The following CLVS1 variants were observed in gnomAD, a reference collection of about 807,000 sequenced individuals.
CLVS1 encodes the protein clavesin-1.
In CLVS1, 10 loss-of-function variants were observed where a neutral mutation model predicts 33.1. That is an observed-to-expected ratio of 0.30 (90% CI 0.19 to 0.51). CLVS1 has a LOEUF of 0.51. Ranked by LOEUF, CLVS1 falls within the 20% of genes least tolerant of loss-of-function variation. The probability of loss-of-function intolerance (pLI) is 0.97; values close to 1 mark genes in which losing one functional copy is unlikely to be tolerated. For missense variants in CLVS1, 343 were observed against 433.4 expected (o/e 0.79, Z 1.85); for synonymous variants, 163 against 166.1 (o/e 0.98, Z 0.14).
At chr8:61,053,329 C>A (rs902699635), upstream of CLVS1, among the ~76,000 whole-genome samples, 3 of 152,056 alleles carry the variant, frequency 2.0e-5, no homozygotes, top group Non-Finnish European at 4.4e-5. Flanking sequence ...AGCACTGGGG[C>A]CTCCAGCATG....
chr8:61,089,091 G>A (rs1219478559), intron 1 of CLVS1, among the ~76,000 whole-genome samples: 1 of 152,194 alleles, frequency 6.6e-6, no homozygotes. Flanking sequence ...GTGAGCCACC[G>A]GGCCCGGCCT....
intron 1 of CLVS1, among the ~76,000 whole-genome samples, chr8:61,063,850 A>G (rs1397001584): frequency 1.3e-5 from 2 of 152,162 alleles, no homozygotes; most frequent in Non-Finnish European, 2.9e-5. Flanking sequence ...TGTCCCTAGT[A>G]GGAACTCTGT....
chr8:61,165,520 CTGAT>C (rs1806845225), intron 2 of CLVS1, among the ~76,000 whole-genome samples: 1 of 152,182 alleles, frequency 6.6e-6, no homozygotes, highest in Admixed American at 6.5e-5. Flanking sequence ...AGTGAGCTCT[CTGAT>C]TGGTTGGGTG....
At chr8:61,494,233 G>T (rs1804193837) in intron 5 of CLVS1, among the ~76,000 whole-genome samples, 1 of 152,070 alleles carries the variant, frequency 6.6e-6, no homozygotes, top group East Asian at 1.9e-4. Context: ...AGTGGGGAAA[G>T]TTCCAATTTT....
At chr8:61,364,736 G>C (rs4395891) in intron 2 of CLVS1, among the ~76,000 whole-genome samples, 70,136 of 152,048 alleles carry the variant, frequency 0.46, 16,566 homozygotes, top group East Asian at 0.65. Context: ...AATTTTAGAG[G>C]CTTAAGGCTT....
chr8:61,047,188 CA>C, the CLVS1 span, among the ~76,000 whole-genome samples: 1 of 151,998 alleles, frequency 6.6e-6, no homozygotes, highest in African/African-American at 2.4e-5. Context: ...TTTATGCAGC[CA>C]AAAAACACAT....
At chr8:60,986,538 T>G in the CLVS1 span, among the ~76,000 whole-genome samples, 1 of 152,232 alleles carries the variant, frequency 6.6e-6, no homozygotes. Context: ...TCACATAACT[T>G]AAGAACTTAG....
At chr8:61,188,172 G>C (rs933919347) in intron 2 of CLVS1, among the ~76,000 whole-genome samples, 1 of 152,082 alleles carries the variant, frequency 6.6e-6, no homozygotes, top group African/African-American at 2.4e-5. Flanking sequence ...ATAGTGAATT[G>C]GATGTAGACT....
At chr8:61,054,146 G>A (rs1804432703), upstream of CLVS1, among the ~76,000 whole-genome samples, 1 of 152,164 alleles carries the variant, frequency 6.6e-6, no homozygotes, top group Non-Finnish European at 1.5e-5. Flanking sequence ...AAACCTTACG[G>A]AGCAACCCCT....
chr8:61,142,594 A>G (rs976988403), intron 2 of CLVS1, among the ~76,000 whole-genome samples: 11 of 152,172 alleles, frequency 7.2e-5, no homozygotes, highest in Non-Finnish European at 1.0e-4. Flanking sequence ...AGGCTACCAG[A>G]CTGCTTGGCA....
chr8:61,194,119 T>C (rs1807552478), intron 2 of CLVS1, among the ~76,000 whole-genome samples: 1 of 152,008 alleles, frequency 6.6e-6, no homozygotes, highest in South Asian at 2.1e-4. Flanking sequence ...ACATGTTTGA[T>C]TCAAAGAAGA....
intron 5 of CLVS1, among the ~76,000 whole-genome samples, chr8:61,492,513 C>T (rs1804128032): frequency 6.6e-6 from 1 of 152,110 alleles, no homozygotes; most frequent in Non-Finnish European, 1.5e-5. Context: ...TGAAGGTGCA[C>T]ATGTTTTTTT....
chr8:61,367,958 A>G (rs574450478), intron 2 of CLVS1, among the ~76,000 whole-genome samples: 54 of 152,382 alleles, frequency 3.5e-4, no homozygotes, highest in Admixed American at 8.5e-4. Flanking sequence ...GTACTTCAAC[A>G]GTTTTAAAAG....
chr8:61,042,569 A>ATTTGGTGGAAGGTAGATAG, the CLVS1 span, among the ~76,000 whole-genome samples: 1 of 152,208 alleles, frequency 6.6e-6, no homozygotes. Flanking sequence ...TCACTCTGTT[A>ATTTGGTGGAAGGTAGATAG]TTGCCCACCT....
chr8:60,971,480 C>G, the CLVS1 span, among the ~76,000 whole-genome samples: 1 of 152,218 alleles, frequency 6.6e-6, no homozygotes, highest in Non-Finnish European at 1.5e-5. Context: ...TTGATTTTAA[C>G]TTTTCTCTTG....
intron 2 of CLVS1, among the ~76,000 whole-genome samples, chr8:61,324,525 G>T (rs1327717812): frequency 6.6e-6 from 1 of 152,140 alleles, no homozygotes; most frequent in African/African-American, 2.4e-5. Flanking sequence ...GGTACCAGGA[G>T]TGGGGTGGTT....
intron 2 of CLVS1, among the ~76,000 whole-genome samples, chr8:61,273,245 C>G (rs1331156561): frequency 6.7e-6 from 1 of 149,742 alleles, no homozygotes. Flanking sequence ...TTGGAATACC[C>G]TGCCGTGTGA....
chr8:61,403,557 A>G (rs1814855901), intron 3 of CLVS1, among the ~76,000 whole-genome samples: 2 of 152,184 alleles, frequency 1.3e-5, no homozygotes, highest in South Asian at 2.1e-4. Context: ...TTCCGGATAT[A>G]TTTAAAAATT....
intron 2 of CLVS1, among the ~76,000 whole-genome samples, chr8:61,161,339 A>G (rs2129296660): frequency 6.6e-6 from 1 of 152,368 alleles, no homozygotes; most frequent in East Asian, 1.9e-4. Context: ...AATTGAAATC[A>G]GTATGTAAAG....
Sources: allele counts gnomAD v4.1 joint callset (sites outside exome capture counted in the v4.1 genomes callset), GRCh38; gene constraint gnomAD v4.1.1; transcripts MANE v1.5; gene names NCBI Gene and HGNC (gene_info 2026-07-23, HGNC 2026-07-21).